The following GGNBP2 variants were observed in gnomAD, a reference collection of about 807,000 sequenced individuals.
GGNBP2 encodes the protein gametogenetin binding protein 2, also known as gametogenetin-binding protein 2.
A neutral mutation model predicts 85.9 loss-of-function variants in GGNBP2; 10 were observed. That is an observed-to-expected ratio of 0.12 (90% CI 0.07 to 0.20). The LOEUF (loss-of-function observed/expected upper bound fraction) is 0.20. Ranked by LOEUF, GGNBP2 falls within the 10% of genes least tolerant of loss-of-function variation. The pLI is 1.00. For synonymous variants in GGNBP2, 287 were observed against 285.7 expected (o/e 1.00, Z -0.05); for missense variants, 595 against 857.8 (o/e 0.69, Z 3.83).
chr17:36,563,786 C>T (rs1335977394), intron 5 of GGNBP2, among the ~76,000 whole-genome samples: 13 of 151,018 alleles, frequency 8.6e-5, no homozygotes, highest in African/African-American at 1.9e-4. Flanking sequence ...CCCTGTCACC[C>T]GGGCTAGAGT....
In GGNBP2 at chr17:36,567,831, C is replaced by T. The variant is rs541491480; in HGVS notation, c.641+55C>T. On this transcript the variant is annotated intron_variant, in intron 6 of 13. Coordinates refer to ENST00000613102, the MANE Select transcript of GGNBP2 (RefSeq NM_024835.5). ...TGGAAGGTGCCTTATGTGTCAGTCA[C>T]CTAGAGTGGCCTGTCACTGAACTCC... 6.4e-4 allele frequency: 547 copies of T among 851,676 alleles called. 10 individuals are homozygous for T. In the South Asian group the frequency reaches 8.0e-3, roughly 12 times the overall value. The allele number at this position is 851,676 out of a possible 1,614,324, so 52.8% of individuals were successfully genotyped here.
At chr17:36,575,654 T>A (rs1301656520) in intron 6 of GGNBP2, among the ~76,000 whole-genome samples, 108 of 103,248 alleles carry the variant, frequency 1.0e-3, no homozygotes, top group African/African-American at 2.4e-3. Context: ...ATATATTTTT[T>A]TTTTTTTTTG....
chr17:36,585,219 A>G (rs1437671449), intron 9 of GGNBP2, 81 bp from the exon 10 acceptor site: 1 of 1,206,948 alleles, frequency 8.3e-7, no homozygotes, highest in Non-Finnish European at 1.2e-6. Flanking sequence ...TATTAGGATG[A>G]AAATAGTTTT....
rs2074369790 is a variant in GGNBP2, at chr17:36,557,092, A to G, written c.184A>G (p.Met62Val). ...QLKQFIQRHG[M>V]LKQQDLSIAM... ...TCTTTCCCTCTTTCAGCGACATGGT[A>G]TGCTTAAGCAACAGGATCTAAGTAT... Residue 62 changes from methionine to valine, a missense_variant, in exon 4 of 14, where the codon ATG becomes GTG. Met to Val is a conservative substitution (Grantham distance 21). Transcript: ENST00000613102. The G allele has an allele frequency of 1.2e-6, 2 of 1,613,954 alleles. No individual in the cohort carries two copies. The highest frequency in any genetic ancestry group is 1.7e-6 in the Non-Finnish European group (2 of 1,179,990).
intron 6 of GGNBP2, among the ~76,000 whole-genome samples, chr17:36,570,103 C>T (rs2074508197): frequency 6.6e-6 from 1 of 152,146 alleles, no homozygotes; most frequent in South Asian, 2.1e-4. Flanking sequence ...ATAGGCTGGG[C>T]ATGGTGGCTC....
intron 5 of GGNBP2, among the ~76,000 whole-genome samples, chr17:36,562,522 AT>A (rs374250202): frequency 0.026 from 3,405 of 132,158 alleles, 70 homozygotes; most frequent in East Asian, 0.1. Flanking sequence ...CCTTTTTTTG[AT>A]TTTTTTTTTT....
intron 13 of GGNBP2, chr17:36,587,493 C>T: frequency 2.1e-6 from 1 of 476,234 alleles, no homozygotes; most frequent in Non-Finnish European, 3.8e-6. Flanking sequence ...CCTTGAGTTA[C>T]AGTGGGGTTA....
chr17:36,552,911 A>T (rs1269282431), intron 2 of GGNBP2, among the ~76,000 whole-genome samples: 1 of 151,590 alleles, frequency 6.6e-6, no homozygotes, highest in Non-Finnish European at 1.5e-5. Context: ...AATCCCAGCT[A>T]CTCAGGAGGC....
intron 6 of GGNBP2, among the ~76,000 whole-genome samples, chr17:36,569,232 C>T (rs565884598): frequency 3.9e-5 from 6 of 151,994 alleles, no homozygotes; most frequent in African/African-American, 1.4e-4. Flanking sequence ...GCCAACGTGG[C>T]GAAACCCCGT....
At position 36,557,122 on chromosome 17, in the gene GGNBP2, A is replaced by G. The variant is rs2074370004; in HGVS notation, c.214A>G (p.Met72Val). Residue 72 changes from methionine (M) to valine (V), a missense_variant, in exon 4 of 14, where the codon ATG becomes GTG. Coordinates refer to ENST00000613102, the MANE Select transcript of GGNBP2 (RefSeq NM_024835.5). ...TAAGCAACAGGATCTAAGTATTGCCATGGTGGTGACATCACGCGAAGTCCT... is the reference window on the plus strand; with the variant it reads ...TAAGCAACAGGATCTAAGTATTGCCGTGGTGGTGACATCACGCGAAGTCCT... The part of the protein sequence containing the change: ...MLKQQDLSIA[M>V]VVTSREVLSA... The G allele has an allele frequency of 6.2e-7, 1 of 1,614,054 alleles. No homozygotes were observed. The highest frequency in any genetic ancestry group is 1.3e-5 in the African/African-American group (1 of 75,010).
At position 36,585,826 on chromosome 17, in the gene GGNBP2, T is replaced by G. The variant is rs1260365043; in HGVS notation, c.1367-14T>G. The G allele has an allele frequency of 1.9e-6, 3 of 1,610,518 alleles. No individual in the cohort carries two copies. Among genetic ancestry groups the G allele is most frequent in the Non-Finnish European group, 2.5e-6 (3 of 1,177,186 alleles). On this transcript the variant is annotated splice_polypyrimidine_tract_variant and intron_variant, in intron 10 of 13. Coordinates refer to ENST00000613102, the MANE Select transcript of GGNBP2 (RefSeq NM_024835.5). Reference sequence around the variant, plus strand: ...TGGTATGTTAATAGTAACTCTCACTTGATTTATTCTCAGGCTTATCTCCAC... The same window carrying G: ...TGGTATGTTAATAGTAACTCTCACTGGATTTATTCTCAGGCTTATCTCCAC...
intron 12 of GGNBP2, 77 bp from the exon 13 acceptor site, chr17:36,586,920 T>C: frequency 3.9e-6 from 4 of 1,013,450 alleles, no homozygotes; most frequent in South Asian, 2.0e-5. Flanking sequence ...TGCCCCGCTT[T>C]TTTTTTTTTT....
intron 13 of GGNBP2, 154 bp downstream of exon 13, chr17:36,587,399 G>A: frequency 1.2e-6 from 1 of 806,120 alleles, no homozygotes. Context: ...CTTCATTTCT[G>A]TCCTTCCACT....
intron 6 of GGNBP2, chr17:36,576,785 G>A (rs184708469): frequency 1.3e-5 from 2 of 151,458 alleles, no homozygotes; most frequent in East Asian, 1.9e-4. Context: ...TCAATAGGAA[G>A]ACCCAGGGAG....
intron 4 of GGNBP2, 96 bp from the exon 5 acceptor site, chr17:36,560,677 T>G: frequency 2.8e-6 from 2 of 707,344 alleles, no homozygotes; most frequent in South Asian, 4.3e-5. Context: ...TTTTTGTGTT[T>G]TGTTTTGAGA....
chr17:36,585,251 C>T (rs768374773), intron 9 of GGNBP2, 49 bp from the exon 10 acceptor site: 11 of 1,491,608 alleles, frequency 7.4e-6, no homozygotes, highest in South Asian at 4.9e-5. Flanking sequence ...TAAAATGTAG[C>T]TGTTATGGAG....
chr17:36,584,889 G>A (rs544390130), intron 9 of GGNBP2, among the ~76,000 whole-genome samples: 10 of 151,864 alleles, frequency 6.6e-5, no homozygotes, highest in Admixed American at 5.9e-4. Flanking sequence ...AGGAGTTTGA[G>A]GCTGCAGTAA....
chr17:36,585,130 T>C (rs1308421849), intron 9 of GGNBP2, among the ~76,000 whole-genome samples, 170 bp from the exon 10 acceptor site: 2 of 152,240 alleles, frequency 1.3e-5, no homozygotes, highest in African/African-American at 4.8e-5. Flanking sequence ...TGATTTGTGC[T>C]AAGGACTAAT....
intron 5 of GGNBP2, among the ~76,000 whole-genome samples, chr17:36,564,721 C>G (rs2074451987): frequency 6.6e-6 from 1 of 152,206 alleles, no homozygotes; most frequent in Non-Finnish European, 1.5e-5. Flanking sequence ...TACTATGATT[C>G]TCCATTTTAT....
Sources: gnomAD v4.1 joint callset for allele counts (sites outside exome capture counted in the v4.1 genomes callset) on GRCh38, gnomAD v4.1.1 for gene constraint, MANE v1.5 for transcripts, NCBI Gene and HGNC (gene_info 2026-07-23, HGNC 2026-07-21) for gene names.